Variants in AFF1 observed in about 807,000 individuals in gnomAD.
The protein encoded by AFF1 is AF4/FMR2 family member 1.
Under a neutral mutation model 121.7 loss-of-function variants are expected in AFF1, and 48 were observed. That is an observed-to-expected ratio of 0.39 (90% CI 0.31 to 0.50). AFF1 has a LOEUF of 0.50. Among genes scored for constraint, AFF1 ranks in the 20% least tolerant of loss-of-function variants. The pLI, the probability that AFF1 is intolerant of heterozygous loss-of-function variation, is 0.76. For missense variants in AFF1, 1,523 were observed against 1,511.7 expected (o/e 1.01, Z -0.12); for synonymous variants, 613 against 563.0 (o/e 1.09, Z -1.26).
intron 2 of AFF1, among the ~76,000 whole-genome samples, chr4:87,010,755 T>C (rs141116369): frequency 0.014 from 2,072 of 152,262 alleles, 28 homozygotes; most frequent in African/African-American, 0.032. Context: ...AAGGAAAATA[T>C]ACATACCTTC....
chr4:86,970,519 GT>G (rs1309464978), intron 2 of AFF1, among the ~76,000 whole-genome samples: 1 of 152,216 alleles, frequency 6.6e-6, no homozygotes, highest in Non-Finnish European at 1.5e-5. Flanking sequence ...ATTGTTCTAT[GT>G]AGGGAGGATG....
At chr4:87,030,331 A>G (rs1655957117) in intron 2 of AFF1, among the ~76,000 whole-genome samples, 1 of 152,236 alleles carries the variant, frequency 6.6e-6, no homozygotes, top group Admixed American at 6.5e-5. Context: ...GAGGATCACT[A>G]TGTTCCAATG....
intron 4 of AFF1, among the ~76,000 whole-genome samples, chr4:87,070,187 A>G (rs561973805): frequency 6.6e-6 from 1 of 152,182 alleles, no homozygotes; most frequent in South Asian, 2.1e-4. Flanking sequence ...TATTTTTAGT[A>G]GAAACGGGGT....
chr4:87,052,983 A>G (rs986511610), intron 4 of AFF1, among the ~76,000 whole-genome samples: 2 of 152,164 alleles, frequency 1.3e-5, no homozygotes, highest in Admixed American at 6.5e-5. Context: ...TAGTTGGGTC[A>G]TGTATTAAGA....
At chr4:86,989,175 A>C (rs935620597) in intron 2 of AFF1, among the ~76,000 whole-genome samples, 6 of 152,246 alleles carry the variant, frequency 3.9e-5, no homozygotes, top group African/African-American at 1.4e-4. Flanking sequence ...ACAAAAGCCA[A>C]AATTGACAAA....
At chr4:87,047,760 C>A (rs1730866558) in intron 4 of AFF1, 166 bp downstream of exon 4, 1 of 906,114 alleles carries the variant, frequency 1.1e-6, no homozygotes, top group Non-Finnish European at 1.8e-6. Context: ...AAACTCAGAT[C>A]TGAGATGGAC....
chr4:87,116,558 A>G (rs967101948), intron 12 of AFF1, among the ~76,000 whole-genome samples: 2 of 152,212 alleles, frequency 1.3e-5, no homozygotes, highest in Non-Finnish European at 2.9e-5. Flanking sequence ...ATAACAAAGG[A>G]AAAAAAGATT....
chr4:86,941,339 C>T (rs528468780), intron 1 of AFF1, among the ~76,000 whole-genome samples: 4 of 151,900 alleles, frequency 2.6e-5, no homozygotes, highest in East Asian at 3.9e-4. Context: ...AGTGAGATCT[C>T]GTCTCCACAA....
chr4:87,102,885 A>G (rs552722633), intron 8 of AFF1, among the ~76,000 whole-genome samples: 7 of 152,290 alleles, frequency 4.6e-5, no homozygotes, highest in South Asian at 2.1e-4. Flanking sequence ...TTCACATTCA[A>G]CGACTGATTC....
intron 2 of AFF1, chr4:87,036,793 A>G (rs759770382): frequency 1.9e-6 from 1 of 515,242 alleles, no homozygotes; most frequent in East Asian, 5.5e-5. Flanking sequence ...ATTCTCTAAT[A>G]TGGCAGCAAG....
intron 2 of AFF1, among the ~76,000 whole-genome samples, chr4:86,985,180 ACTATATAT>A (rs1724121448): frequency 1.8e-5 from 1 of 55,954 alleles, no homozygotes; most frequent in African/African-American, 1.1e-4. Flanking sequence ...AATATGTATT[ACTATATAT>A]ATATATATAT....
chr4:87,075,756 G>A (rs17012375), intron 4 of AFF1, among the ~76,000 whole-genome samples: 3,058 of 152,200 alleles, frequency 0.02, 110 homozygotes, highest in African/African-American at 0.07. Flanking sequence ...GAAGACTTCT[G>A]CATCTTAAAA....
chr4:87,046,606 T>C, intron 3 of AFF1, 89 bp from the exon 4 acceptor site: 1 of 1,378,588 alleles, frequency 7.3e-7, no homozygotes, highest in Non-Finnish European at 9.9e-7. Flanking sequence ...AGTTCGGAGT[T>C]TTTTCCTTAA....
At chr4:87,134,727 G>T (rs772730291) in intron 20 of AFF1, 33 bp downstream of exon 20, 1 of 1,548,980 alleles carries the variant, frequency 6.5e-7, no homozygotes, top group African/African-American at 1.4e-5. Context: ...GTAATTACTG[G>T]GGTGTTTGGA....
chr4:87,096,689 A>G (rs1724902904), intron 8 of AFF1, among the ~76,000 whole-genome samples: 1 of 152,094 alleles, frequency 6.6e-6, no homozygotes, highest in African/African-American at 2.4e-5. Flanking sequence ...CTAGGACTAC[A>G]GGCACAGGCT....
intron 4 of AFF1, among the ~76,000 whole-genome samples, chr4:87,072,087 G>C (rs1273690584): frequency 6.6e-6 from 1 of 152,146 alleles, no homozygotes. Context: ...TTCAGGGCTG[G>C]GCGTGGTGGC....
chr4:87,012,785 ATTAACT>A (rs576460566), intron 2 of AFF1, among the ~76,000 whole-genome samples: 233 of 152,276 alleles, frequency 1.5e-3, no homozygotes, highest in Non-Finnish European at 2.6e-3. Flanking sequence ...AAAAGTAAAG[ATTAACT>A]TTAAAACCAT....
chr4:86,972,855 T>G (rs1560510305), intron 2 of AFF1, among the ~76,000 whole-genome samples: 1 of 152,186 alleles, frequency 6.6e-6, no homozygotes, highest in African/African-American at 2.4e-5. Context: ...TTATTTAGAT[T>G]TATTCCACTG....
chr4:87,060,342 G>T (rs543743034), intron 4 of AFF1, among the ~76,000 whole-genome samples: 2 of 152,230 alleles, frequency 1.3e-5, no homozygotes, highest in South Asian at 4.1e-4. Context: ...TAAGACACTG[G>T]ATTTCCTTTA....
Sources: allele counts gnomAD v4.1 joint callset (sites outside exome capture counted in the v4.1 genomes callset), GRCh38; gene constraint gnomAD v4.1.1; transcripts MANE v1.5; gene names NCBI Gene and HGNC (gene_info 2026-07-23, HGNC 2026-07-21).